KLHL32: variants seen among roughly 807,000 people sequenced by gnomAD.
KLHL32 encodes the protein kelch-like protein 32.
A neutral mutation model predicts 64.8 loss-of-function variants in KLHL32; 35 were observed. The observed-to-expected ratio is 0.54, with a 90% CI of 0.41 to 0.72. The LOEUF (loss-of-function observed/expected upper bound fraction) is 0.72. Among genes scored for constraint, KLHL32 ranks in the 30% least tolerant of loss-of-function variants. The probability of loss-of-function intolerance (pLI) is 0.00; values close to 1 mark genes in which losing one functional copy is unlikely to be tolerated. For synonymous variants in KLHL32, 259 were observed against 281.0 expected (o/e 0.92, Z 0.78); for missense variants, 589 against 768.5 (o/e 0.77, Z 2.76).
At chr6:97,047,789 C>T (rs1461527590) in intron 4 of KLHL32, among the ~76,000 whole-genome samples, 8 of 151,962 alleles carry the variant, frequency 5.3e-5, no homozygotes. Flanking sequence ...AAGCAAAAAC[C>T]AAAAAACCCA....
chr6:97,009,163 T>C (rs1780046429), intron 3 of KLHL32, among the ~76,000 whole-genome samples: 1 of 151,100 alleles, frequency 6.6e-6, no homozygotes, highest in African/African-American at 2.4e-5. Flanking sequence ...TGAAACATAC[T>C]AGATGTTAAA....
chr6:97,087,547 T>G (rs962353522), intron 6 of KLHL32, among the ~76,000 whole-genome samples: 1 of 152,152 alleles, frequency 6.6e-6, no homozygotes, highest in Non-Finnish European at 1.5e-5. Flanking sequence ...ATCCCATGTC[T>G]TAAAGAAGAA....
chr6:97,025,816 G>C (rs1782644389), intron 3 of KLHL32, among the ~76,000 whole-genome samples: 1 of 152,100 alleles, frequency 6.6e-6, no homozygotes, highest in Non-Finnish European at 1.5e-5. Context: ...TTAAAATGAG[G>C]TAATAGTAGT....
At chr6:96,947,086 C>T (rs1410861820) in intron 1 of KLHL32, among the ~76,000 whole-genome samples, 1 of 152,174 alleles carries the variant, frequency 6.6e-6, no homozygotes, top group Non-Finnish European at 1.5e-5. Context: ...ACGGCTCCAG[C>T]ACCTTGGGTT....
chr6:96,918,596 C>A, the KLHL32 span, among the ~76,000 whole-genome samples: 4 of 152,122 alleles, frequency 2.6e-5, no homozygotes, highest in South Asian at 8.3e-4. Flanking sequence ...ACACAAAGTT[C>A]TAAGATTAGA....
intron 1 of KLHL32, among the ~76,000 whole-genome samples, chr6:96,931,154 G>A (rs985365858): frequency 3.9e-5 from 6 of 152,204 alleles, no homozygotes; most frequent in Non-Finnish European, 8.8e-5. Flanking sequence ...TCTCTTTCAA[G>A]TCAGATAGGA....
intron 1 of KLHL32, among the ~76,000 whole-genome samples, chr6:96,955,489 C>G (rs1773144266): frequency 6.6e-6 from 1 of 151,980 alleles, no homozygotes; most frequent in African/African-American, 2.4e-5. Flanking sequence ...GAGGTTATTT[C>G]CTCAAGAGAA....
chr6:96,922,199 G>A (rs1004824789), upstream of KLHL32, among the ~76,000 whole-genome samples: 7 of 152,224 alleles, frequency 4.6e-5, no homozygotes, highest in South Asian at 2.1e-4. Flanking sequence ...TACCACAACT[G>A]AGGGACAGGC....
intron 6 of KLHL32, among the ~76,000 whole-genome samples, chr6:97,085,646 T>G (rs575729546): frequency 1.2e-4 from 19 of 152,198 alleles, no homozygotes; most frequent in Non-Finnish European, 1.6e-4. Flanking sequence ...TGATAAAAAT[T>G]GTTTCTTAAA....
Position 97,080,344 on chromosome 6 carries a change from C to T in KLHL32, c.412-4782C>T, listed in dbSNP as rs149490214. On this transcript the variant is annotated intron_variant, in intron 5 of 10. Transcript: ENST00000369261. Reference sequence around the variant, plus strand: ...GAATTGGATAGGCATATTGGAAAGACATGGGCTATTCTGTTTTTGCCTAAT... The same window carrying T: ...GAATTGGATAGGCATATTGGAAAGATATGGGCTATTCTGTTTTTGCCTAAT... Among the ~76,000 whole-genome samples, 497 of 152,312 alleles carry T rather than the reference C, an allele frequency of 3.3e-3. 2 individuals carry two copies. Among genetic ancestry groups the T allele is most frequent in the African/African-American group, 0.012 (483 of 41,568 alleles).
At chr6:97,005,862 T>G (rs1198351248) in intron 3 of KLHL32, among the ~76,000 whole-genome samples, 2 of 152,128 alleles carry the variant, frequency 1.3e-5, no homozygotes, top group East Asian at 3.8e-4. Context: ...TATTTTCAGT[T>G]TTTTATTTTT....
At chr6:96,996,748 T>G (rs939369512) in intron 3 of KLHL32, among the ~76,000 whole-genome samples, 5 of 152,176 alleles carry the variant, frequency 3.3e-5, no homozygotes, top group African/African-American at 1.2e-4. Flanking sequence ...AATTGAGCAC[T>G]TACTGTTCTC....
rs111849323 is a variant in KLHL32, at chr6:96,985,879, A to C, written c.204+9702A>C. Among the ~76,000 whole-genome samples the C allele has an allele frequency of 1.1e-3, 175 of 152,264 alleles. 1 individual carries two copies. The highest frequency in any genetic ancestry group is 4.1e-3 in the African/African-American group (169 of 41,558). On this transcript the variant is annotated intron_variant, in intron 3 of 10. Coordinates refer to ENST00000369261, the MANE Select transcript of KLHL32 (RefSeq NM_052904.4). The stretch of plus-strand genomic sequence containing the variant: ...AAGCCTTCTTGTCTCAACTCGTCAA[A>C]GTCATTCTCCGTCCAGCTTTGTTCC...
chr6:97,016,928 G>A (rs1781287634), intron 3 of KLHL32, among the ~76,000 whole-genome samples: 2 of 152,170 alleles, frequency 1.3e-5, no homozygotes, highest in Admixed American at 1.3e-4. Context: ...CTGCTGCCAT[G>A]TGAAGAAGTC....
At chr6:97,135,322 T>TTTC (rs373996278) in intron 10 of KLHL32, among the ~76,000 whole-genome samples, 3,845 of 111,876 alleles carry the variant, frequency 0.034, 98 homozygotes, top group Non-Finnish European at 0.053. Context: ...TTTTTTTTTT[T>TTTC]CCTGAGAGTG....
intron 7 of KLHL32, among the ~76,000 whole-genome samples, chr6:97,117,415 G>C (rs1258830281): frequency 6.6e-6 from 1 of 152,124 alleles, no homozygotes; most frequent in Non-Finnish European, 1.5e-5. Context: ...CAGAATGAAT[G>C]TTTCTTTAGA....
At chr6:97,026,864 A>G (rs1200525747) in intron 3 of KLHL32, among the ~76,000 whole-genome samples, 1 of 152,116 alleles carries the variant, frequency 6.6e-6, no homozygotes, top group East Asian at 1.9e-4. Context: ...AAAATTCTCT[A>G]TAGAAAAGGG....
At chr6:97,078,608 C>T (rs1791974590) in intron 5 of KLHL32, among the ~76,000 whole-genome samples, 1 of 152,092 alleles carries the variant, frequency 6.6e-6, no homozygotes. Context: ...ATCTTTAACC[C>T]AAGTCATAGT....
chr6:96,994,050 T>C (rs968449047), intron 3 of KLHL32, among the ~76,000 whole-genome samples: 2 of 152,222 alleles, frequency 1.3e-5, no homozygotes, highest in Non-Finnish European at 2.9e-5. Flanking sequence ...TACTACTCTG[T>C]CTTCCAAGGC....
Sources: allele counts gnomAD v4.1 joint callset (sites outside exome capture counted in the v4.1 genomes callset), GRCh38; gene constraint gnomAD v4.1.1; transcripts MANE v1.5; gene names NCBI Gene and HGNC (gene_info 2026-07-23, HGNC 2026-07-21).